PRPH2: variants seen among roughly 807,000 people sequenced by gnomAD.
PRPH2 encodes the protein peripherin-2.
In PRPH2, 17 loss-of-function variants were observed where a neutral mutation model predicts 31.3. The ratio of observed to expected loss-of-function variants is 0.54; its 90% CI spans 0.37 to 0.81. The LOEUF (loss-of-function observed/expected upper bound fraction) is 0.81, where lower values mean the gene tolerates loss of function less well. Among genes scored for constraint, PRPH2 ranks in the 40% least tolerant of loss-of-function variants. The pLI, the probability that PRPH2 is intolerant of heterozygous loss-of-function variation, is 0.00. For missense variants in PRPH2, 430 were observed against 439.7 expected, an observed-to-expected ratio of 0.98 and a Z score of 0.20; for synonymous variants, 165 against 184.4, an observed-to-expected ratio of 0.89 and a Z score of 0.85.
chr6:42,708,482 G>T (rs917585033), intron 1 of PRPH2, among the ~76,000 whole-genome samples: 1 of 152,238 alleles, frequency 6.6e-6, no homozygotes, highest in Non-Finnish European at 1.5e-5. Context: ...GGGGCCTTCA[G>T]CTCGGGCCTC....
rs750992392 is a variant in PRPH2, at chr6:42,698,352, C to T, written c.984G>A (p.Lys328=). ...AFLESVKKLG[K]GNQVEAEGAD... ...CGCCCTCGGCTTCCACCTGGTTGCC[C>T]TTGCCCAGCTTCTTCACACTCTCCA... Residue 328 remains lysine (K), a synonymous_variant, in exon 3 of 3, where the codon AAG becomes AAA. Coordinates refer to ENST00000230381, the MANE Select transcript of PRPH2 (RefSeq NM_000322.5). The T allele has an allele frequency of 3.1e-6, 5 of 1,613,900 alleles. No homozygotes were observed. Among genetic ancestry groups the T allele is most frequent in the Non-Finnish European group, 4.2e-6 (5 of 1,179,818 alleles).
intron 1 of PRPH2, among the ~76,000 whole-genome samples, chr6:42,709,179 A>C (rs895823226): frequency 1.3e-5 from 2 of 150,844 alleles, no homozygotes; most frequent in Admixed American, 1.3e-4. Flanking sequence ...AAATACAAAA[A>C]ATTAGCCGGG....
rs1039 is a variant in PRPH2, at chr6:42,698,161, C to T, written c.*134G>A. 8.1e-7 allele frequency: 1 copy of T among 1,240,130 alleles called. No homozygotes were observed. Among genetic ancestry groups the T allele is most frequent in the Non-Finnish European group, 1.1e-6 (1 of 890,364 alleles). 76.8% of individuals were successfully genotyped at this position (1,240,130 alleles called of 1,614,324 possible). On this transcript the variant is annotated 3_prime_UTR_variant, in exon 3 of 3. Transcript: ENST00000230381. The stretch of plus-strand genomic sequence containing the variant: ...TTAGGGACCCTAAACTTAAATTCCA[C>T]CGTCAGGGAGAGTCTCTGTAAGATG...
chr6:42,699,047 CTTTTTTTTTTT>C (rs759173553), intron 2 of PRPH2, among the ~76,000 whole-genome samples: 1 of 38,532 alleles, frequency 2.6e-5, no homozygotes, highest in Non-Finnish European at 7.7e-5. Context: ...TGTGGTACTT[CTTTTTTTTTTT>C]TTTTTTTTTT....
Position 42,697,942 on chromosome 6 carries a change from T to A in PRPH2, c.*353A>T, listed in dbSNP as rs867555346. ...TTCTAAAAGGGGAGCAGCCCTCAGA[T>A]ACGGCCAGTGGCCATAGGGTGGGAC... is the stretch of plus-strand genomic sequence containing the variant. On this transcript the variant is annotated 3_prime_UTR_variant, in exon 3 of 3. Transcript: ENST00000230381. 5 of 288,758 alleles carry A rather than the reference T, an allele frequency of 1.7e-5. No individual in the cohort carries two copies. Among genetic ancestry groups the A allele is most frequent in the Non-Finnish European group, 3.3e-5 (5 of 152,174 alleles). 17.9% of individuals were successfully genotyped at this position (288,758 alleles called of 1,614,324 possible). A position where few individuals can be genotyped will look rare whatever the true frequency, so the allele number is the denominator to read the frequency against.
intron 1 of PRPH2, among the ~76,000 whole-genome samples, chr6:42,705,574 TAAAAAAAAAAAAAAAA>T (rs1186158334): frequency 1.2e-3 from 27 of 22,252 alleles, no homozygotes; most frequent in Admixed American, 1.5e-3. Flanking sequence ...AGACTTTCTC[TAAAAAAAAAAAAAAAA>T]AAAAAAAAAA....
Position 42,697,601 on chromosome 6 carries a change from C to T in PRPH2, c.*694G>A, listed in dbSNP as rs577473555. 1 of 152,458 alleles carries T rather than the reference C, an allele frequency of 6.6e-6. No homozygotes were observed. Among genetic ancestry groups the T allele is most frequent in the Admixed American group, 6.5e-5 (1 of 15,288 alleles). 9.4% of individuals were successfully genotyped at this position (152,458 alleles called of 1,614,324 possible). A position where few individuals can be genotyped will look rare whatever the true frequency, so the allele number is the denominator to read the frequency against. On this transcript the variant is annotated 3_prime_UTR_variant, in exon 3 of 3. Coordinates refer to ENST00000230381, the MANE Select transcript of PRPH2 (RefSeq NM_000322.5). ...CCGTGGTTCACTCCAGACTCAGTGA[C>T]CGAGGGCATGTGAATGGGACACAAA...
chr6:42,717,704 G>A (rs139822103), intron 1 of PRPH2, among the ~76,000 whole-genome samples: 1 of 152,272 alleles, frequency 6.6e-6, no homozygotes, highest in African/African-American at 2.4e-5. Context: ...GGGAGTAAAT[G>A]CCATTCCACA....
At chr6:42,717,288 C>T (rs964281579) in intron 1 of PRPH2, among the ~76,000 whole-genome samples, 7 of 151,614 alleles carry the variant, frequency 4.6e-5, no homozygotes, top group Admixed American at 2.0e-4. Context: ...GACATGGTGG[C>T]GGGCACATGT....
chr6:42,716,962 C>CTTTTTTTTTTTTTTTTT (rs1161769235), intron 1 of PRPH2, among the ~76,000 whole-genome samples: 1 of 45,188 alleles, frequency 2.2e-5, no homozygotes, highest in African/African-American at 9.6e-5. Flanking sequence ...TCTTTCTTTT[C>CTTTTTTTTTTTTTTTTT]TTTTTTTTTT....
chr6:42,718,015 AATT>A (rs1761822310), intron 1 of PRPH2, among the ~76,000 whole-genome samples: 1 of 152,020 alleles, frequency 6.6e-6, no homozygotes, highest in Non-Finnish European at 1.5e-5. Flanking sequence ...AAAATAGAAA[AATT>A]AGCCAGAGGC....
chr6:42,711,993 C>CT, intron 1 of PRPH2: 1 of 983,362 alleles, frequency 1.0e-6, no homozygotes, highest in Non-Finnish European at 1.2e-6. Context: ...TCCTCATGTG[C>CT]TACGGTAAGA....
chr6:42,711,256 C>T (rs1761636296), intron 1 of PRPH2, among the ~76,000 whole-genome samples: 1 of 152,174 alleles, frequency 6.6e-6, no homozygotes, highest in Non-Finnish European at 1.5e-5. Context: ...GCCCCTCCAC[C>T]TTGGACTTCC....
intron 2 of PRPH2, among the ~76,000 whole-genome samples, chr6:42,703,381 G>A (rs1562422565): frequency 6.6e-6 from 1 of 152,132 alleles, no homozygotes; most frequent in African/African-American, 2.4e-5. Context: ...AGGTAAATGA[G>A]GACCAGCATC....
chr6:42,706,975 C>CTT (rs34162811), intron 1 of PRPH2, among the ~76,000 whole-genome samples: 31,014 of 123,408 alleles, frequency 0.25, 4,667 homozygotes, highest in African/African-American at 0.39. Flanking sequence ...TCTTGGAGAT[C>CTT]TTTTTTTTTT....
intron 2 of PRPH2, among the ~76,000 whole-genome samples, chr6:42,698,777 C>A (rs1396837551): frequency 6.6e-6 from 1 of 152,142 alleles, no homozygotes; most frequent in Non-Finnish European, 1.5e-5. Flanking sequence ...CCTACTTTCT[C>A]CCCTCTAGGT....
At chr6:42,711,421 C>T (rs1324834024) in intron 1 of PRPH2, among the ~76,000 whole-genome samples, 4 of 152,180 alleles carry the variant, frequency 2.6e-5, no homozygotes, top group African/African-American at 9.7e-5. Context: ...GACACAGCCC[C>T]GTCCTCAGGC....
chr6:42,714,195 A>C (rs1240111432), intron 1 of PRPH2, among the ~76,000 whole-genome samples: 3 of 152,228 alleles, frequency 2.0e-5, no homozygotes, highest in Non-Finnish European at 2.9e-5. Context: ...ATACGCTACA[A>C]CATGGATTAA....
chr6:42,701,141 A>T (rs1800038136), intron 2 of PRPH2, among the ~76,000 whole-genome samples: 1 of 151,420 alleles, frequency 6.6e-6, no homozygotes, highest in South Asian at 2.1e-4. Flanking sequence ...CACAAAGCTA[A>T]TTTTTATGTT....
Sources: gnomAD v4.1 joint callset for allele counts (sites outside exome capture counted in the v4.1 genomes callset) on GRCh38, gnomAD v4.1.1 for gene constraint, MANE v1.5 for transcripts, NCBI Gene and HGNC (gene_info 2026-07-23, HGNC 2026-07-21) for gene names.